The following ZNF429 variants were observed in gnomAD, a reference collection of about 807,000 sequenced individuals.
The protein encoded by ZNF429 is zinc finger protein 429.
In ZNF429, 53 loss-of-function variants were observed where a neutral mutation model predicts 56.8. The observed-to-expected ratio is 0.93, with a 90% confidence interval of 0.75 to 1.17. The LOEUF is 1.17. Ranked by LOEUF, ZNF429 falls within the 50% of genes most tolerant of loss-of-function variation. The probability of loss-of-function intolerance (pLI) is 0.00; values close to 1 mark genes in which losing one functional copy is unlikely to be tolerated. For synonymous variants in ZNF429, 278 were observed against 264.7 expected (o/e 1.05, Z -0.49); for missense variants, 849 against 788.4 (o/e 1.08, Z -0.92).
chr19:21,523,373 C>A (rs2033050534), intron 1 of ZNF429, among the ~76,000 whole-genome samples: 1 of 152,186 alleles, frequency 6.6e-6, no homozygotes, highest in Non-Finnish European at 1.5e-5. Flanking sequence ...GCAAAAACCA[C>A]AATTACATTT....
intron 3 of ZNF429, among the ~76,000 whole-genome samples, chr19:21,535,393 C>CT: frequency 4.7e-5 from 2 of 42,340 alleles, no homozygotes; most frequent in Non-Finnish European, 8.2e-5. Context: ...TACTTTCTTT[C>CT]TTTCTTTCTT....
chr19:21,511,536 G>C lies in ZNF429; in HGVS notation c.3+5762G>C, dbSNP rs569509385. On this transcript the variant is annotated intron_variant, in intron 1 of 3. Coordinates refer to ENST00000358491, the MANE Select transcript of ZNF429 (RefSeq NM_001001415.4). ...GATGGGATGGCAGCCGGGAAGAGGC[G>C]CTCCTCACTTCCTAGATGGGATGGC... Among the ~76,000 whole-genome samples, 11 of 151,684 alleles carry C rather than the reference G, an allele frequency of 7.3e-5. No individual in the cohort carries two copies. In the East Asian group the frequency reaches 2.1e-3, roughly 30 times the overall value.
At chr19:21,533,953 T>C in intron 3 of ZNF429, among the ~76,000 whole-genome samples, 1 of 152,190 alleles carries the variant, frequency 6.6e-6, no homozygotes, top group African/African-American at 2.4e-5. Context: ...ACAGATCATA[T>C]ACAGAAGGGT....
rs540326794 is a variant in ZNF429, at chr19:21,540,005, T to C, written c.*1927T>C. Among the ~76,000 whole-genome samples the C allele has an allele frequency of 1.1e-4, 16 of 152,182 alleles. No individual in the cohort carries two copies. The highest frequency in any genetic ancestry group is 1.9e-4 in the Non-Finnish European group (13 of 68,036). ...CTTATTGAGTGATGTATGAGGTCGA[T>C]GTTCAGAGTAATATGCCTCTGTATT... is the stretch of plus-strand genomic sequence containing the variant. On this transcript the variant is annotated 3_prime_UTR_variant, in exon 4 of 4. Transcript: ENST00000358491.
intron 1 of ZNF429, among the ~76,000 whole-genome samples, chr19:21,508,208 A>C (rs958397581): frequency 6.6e-6 from 1 of 150,638 alleles, no homozygotes; most frequent in Non-Finnish European, 1.5e-5. Flanking sequence ...GTGCCATTGC[A>C]CTCCAGCCTG....
intron 1 of ZNF429, among the ~76,000 whole-genome samples, chr19:21,523,573 C>T (rs1465589042): frequency 6.6e-6 from 1 of 152,244 alleles, no homozygotes; most frequent in Non-Finnish European, 1.5e-5. Flanking sequence ...GATGTACACT[C>T]AATCAGTAAT....
intron 3 of ZNF429, among the ~76,000 whole-genome samples, chr19:21,531,135 A>AC: frequency 9.9e-5 from 14 of 140,982 alleles, no homozygotes; most frequent in African/African-American, 3.2e-4. Context: ...AAAAACCAAA[A>AC]AAAAAAAAAC....
Position 21,536,587 on chromosome 19 carries a change from T to C in ZNF429, c.534T>C (p.Cys178=), listed in dbSNP as rs757999299. ...AGAAACCTTTCCAGTGTAAAAAATG[T>C]GGCAAATCATTTTGCATGCTTTCAC... The part of the protein sequence containing the change: ...TGKKPFQCKK[C]GKSFCMLSQL... The change falls in exon 4 of 4, where the codon TGT becomes TGC. Residue 178 remains cysteine, a synonymous_variant. Coordinates refer to ENST00000358491, the MANE Select transcript of ZNF429 (RefSeq NM_001001415.4). The C allele has an allele frequency of 1.2e-6, 2 of 1,613,798 alleles. No individual in the cohort carries two copies. Among genetic ancestry groups the C allele is most frequent in the East Asian group, 2.2e-5 (1 of 44,846 alleles).
intron 1 of ZNF429, among the ~76,000 whole-genome samples, chr19:21,520,808 G>C (rs1027903512): frequency 2.6e-5 from 4 of 152,102 alleles, no homozygotes; most frequent in Non-Finnish European, 4.4e-5. Context: ...ATCTGTAGTT[G>C]TACTTTGGTT....
Position 21,538,150 on chromosome 19 carries a change from G to C in ZNF429, c.*72G>C. On this transcript the variant is annotated 3_prime_UTR_variant, in exon 4 of 4. Coordinates refer to ENST00000358491, the MANE Select transcript of ZNF429 (RefSeq NM_001001415.4). ...AAAAATTAGCCAGGCGTGGTGGTGG[G>C]CACTTGTAGTCCCACCTACTCGGGA... 1 of 681,702 alleles carries C rather than the reference G, an allele frequency of 1.5e-6. No homozygotes were observed. Among genetic ancestry groups the C allele is most frequent in the Non-Finnish European group, 2.3e-6 (1 of 427,176 alleles). The allele number at this position is 681,702 out of a possible 1,614,324, so 42.2% of individuals were successfully genotyped here.
chr19:21,528,881 G>A (rs1402231289), intron 1 of ZNF429, among the ~76,000 whole-genome samples: 1 of 152,122 alleles, frequency 6.6e-6, no homozygotes, highest in Non-Finnish European at 1.5e-5. Context: ...ATTTGTCCTA[G>A]TGCAGTTGAT....
At chr19:21,519,686 T>C (rs745786919) in intron 1 of ZNF429, among the ~76,000 whole-genome samples, 12 of 152,164 alleles carry the variant, frequency 7.9e-5, no homozygotes, top group Non-Finnish European at 1.5e-4. Flanking sequence ...GTTAATCCAC[T>C]GGGTCTGAGT....
chr19:21,509,707 G>T (rs1467730206), intron 1 of ZNF429, among the ~76,000 whole-genome samples: 3 of 152,186 alleles, frequency 2.0e-5, no homozygotes, highest in African/African-American at 7.2e-5. Flanking sequence ...AGGTGGAAGG[G>T]AACTGGGAGG....
chr19:21,522,985 A>C (rs1047044953), intron 1 of ZNF429, among the ~76,000 whole-genome samples: 1 of 152,082 alleles, frequency 6.6e-6, no homozygotes, highest in Non-Finnish European at 1.5e-5. Flanking sequence ...TCACTTCTAG[A>C]GGGATTAGAT....
intron 1 of ZNF429, chr19:21,518,889 G>T (rs2032882044): frequency 6.6e-6 from 1 of 152,196 alleles, no homozygotes; most frequent in Non-Finnish European, 1.5e-5. Context: ...ATCAAGTTGT[G>T]GTCTAAGTGA....
chr19:21,536,612 C>T lies in ZNF429; in HGVS notation c.559C>T (p.Gln187Ter), dbSNP rs2033685067. Residue 187 changes from glutamine (Q) to a stop codon, truncating the protein, a stop_gained, in exon 4 of 4, where the codon CAA (glutamine) becomes TAA (stop). Transcript: ENST00000358491. LOFTEE classifies it high-confidence loss of function. ...TGGCAAATCATTTTGCATGCTTTCA[C>T]AACTAACTCAACATAAGAAAATTCA... ...KCGKSFCMLS[Q>*]LTQHKKIHIR... 1 of 1,613,674 alleles carries T rather than the reference C, an allele frequency of 6.2e-7. No homozygotes were observed. Among genetic ancestry groups the T allele is most frequent in the African/African-American group, 1.3e-5 (1 of 75,014 alleles).
chr19:21,512,089 GGGGAGA>G (rs374053694), intron 1 of ZNF429, among the ~76,000 whole-genome samples: 13 of 152,038 alleles, frequency 8.6e-5, no homozygotes, highest in Admixed American at 2.6e-4. Flanking sequence ...GGGAGACCGT[GGGGAGA>G]GGGAGAGGGA....
At chr19:21,506,951 A>G (rs992692404) in intron 1 of ZNF429, among the ~76,000 whole-genome samples, 2 of 151,980 alleles carry the variant, frequency 1.3e-5, no homozygotes, top group Non-Finnish European at 1.5e-5. Context: ...TATTTTTAGT[A>G]GAGACGGGGT....
At chr19:21,522,803 G>C (rs888528581) in intron 1 of ZNF429, among the ~76,000 whole-genome samples, 1 of 152,064 alleles carries the variant, frequency 6.6e-6, no homozygotes, top group Non-Finnish European at 1.5e-5. Context: ...GGCCGAGACA[G>C]GAGAATTGCT....
Sources: gnomAD v4.1 joint callset for allele counts (sites outside exome capture counted in the v4.1 genomes callset) on GRCh38, gnomAD v4.1.1 for gene constraint, MANE v1.5 for transcripts, NCBI Gene and HGNC (gene_info 2026-07-23, HGNC 2026-07-21) for gene names.